Variants in PPM1L observed in about 807,000 individuals in gnomAD.
PPM1L encodes protein phosphatase, Mg2+/Mn2+ dependent 1L, also known as protein phosphatase 1L.
Under a neutral mutation model 31.4 loss-of-function variants are expected in PPM1L, and 13 were observed. That is an observed-to-expected ratio of 0.41 (90% CI 0.27 to 0.66). The LOEUF (loss-of-function observed/expected upper bound fraction) is 0.66. Among genes scored for constraint, PPM1L ranks in the 30% least tolerant of loss-of-function variants. The pLI is 0.29. For synonymous variants in PPM1L, 184 were observed against 175.4 expected (o/e 1.05, Z -0.39); for missense variants, 326 against 453.7 (o/e 0.72, Z 2.56).
chr3:160,854,205 T>C (rs1711607929), intron 1 of PPM1L, among the ~76,000 whole-genome samples: 2 of 152,168 alleles, frequency 1.3e-5, no homozygotes, highest in African/African-American at 4.8e-5. Flanking sequence ...AGACTAGAGC[T>C]TGGGGAAGGG....
At chr3:160,759,882 C>T (rs56141969) in intron 1 of PPM1L, among the ~76,000 whole-genome samples, 4,752 of 152,188 alleles carry the variant, frequency 0.031, 189 homozygotes, top group African/African-American at 0.089. Context: ...AGTTTATTAT[C>T]TAAAAAATAG....
At chr3:160,851,153 T>C (rs1711508404) in intron 1 of PPM1L, among the ~76,000 whole-genome samples, 1 of 152,192 alleles carries the variant, frequency 6.6e-6, no homozygotes, top group African/African-American at 2.4e-5. Context: ...AGAGTTTCTT[T>C]TTTAAACAGG....
Position 160,873,213 on chromosome 3 carries a change from TTCTAG to T in PPM1L, c.400-88522_400-88518del, listed in dbSNP as rs564956704. On this transcript the variant is annotated intron_variant, in intron 1 of 3. Transcript: ENST00000498165. The stretch of plus-strand genomic sequence containing the variant: ...AGAGAGTCTTTCTGTCACCAAGGTA[TTCTAG>T]GTTCTAACAAGCATATGGGCATCTC... 8.6e-4 allele frequency among the ~76,000 whole-genome samples: 131 copies of T among 152,272 alleles called. 1 individual carries two copies. The South Asian group carries it at 0.017, about 19-fold the overall frequency.
rs1553811765 is a variant in PPM1L at position 160,843,467 on chromosome 3, T to TA, written c.399+86761dup. Among the ~76,000 whole-genome samples the TA allele has an allele frequency of 8.1e-5, 11 of 135,896 alleles. 1 individual carries two copies. Among genetic ancestry groups the TA allele is most frequent in the Admixed American group, 6.6e-4 (9 of 13,560 alleles). The allele number at this position is 135,896 out of a possible 152,430, so 89.2% of individuals were successfully genotyped here. A position where few individuals can be genotyped will look rare whatever the true frequency, so the allele number is the denominator to read the frequency against. ...ATATATATATATATATATATATATA[T>TA]ATGTTTTTTTTAATTGTACTTTAAG... On this transcript the variant is annotated intron_variant, in intron 1 of 3. Coordinates refer to ENST00000498165, the MANE Select transcript of PPM1L (RefSeq NM_139245.4).
At chr3:160,991,105 C>CA (rs368961094) in intron 2 of PPM1L, among the ~76,000 whole-genome samples, 1 of 148,736 alleles carries the variant, frequency 6.7e-6, no homozygotes, top group Non-Finnish European at 1.5e-5. Context: ...AAAAAAATCA[C>CA]AAAAAAATCT....
chr3:161,020,474 T>C (rs1258676001), intron 2 of PPM1L, among the ~76,000 whole-genome samples: 1 of 152,192 alleles, frequency 6.6e-6, no homozygotes, highest in Non-Finnish European at 1.5e-5. Context: ...GAAATAGGAA[T>C]GTCCCTTAAA....
intron 3 of PPM1L, among the ~76,000 whole-genome samples, chr3:161,066,551 AT>A (rs1393249279): frequency 6.6e-6 from 1 of 152,180 alleles, no homozygotes; most frequent in East Asian, 1.9e-4. Flanking sequence ...GAGGATAATT[AT>A]CAGTTGATTA....
intron 1 of PPM1L, among the ~76,000 whole-genome samples, chr3:160,788,072 G>A (rs557405678): frequency 6.6e-6 from 1 of 152,116 alleles, no homozygotes; most frequent in African/African-American, 2.4e-5. Context: ...TGTTCTTTTT[G>A]CTGAGGATTG....
At chr3:160,970,955 T>G (rs1244833326) in intron 2 of PPM1L, among the ~76,000 whole-genome samples, 2 of 152,016 alleles carry the variant, frequency 1.3e-5, no homozygotes, top group Non-Finnish European at 1.5e-5. Flanking sequence ...CTCGCCCGGC[T>G]AATTTTTTGT....
intron 1 of PPM1L, among the ~76,000 whole-genome samples, chr3:160,931,619 G>A (rs1312077815): frequency 1.3e-5 from 2 of 152,160 alleles, no homozygotes; most frequent in Non-Finnish European, 2.9e-5. Context: ...TGGTATGTGT[G>A]GGGAAGGCAT....
intron 1 of PPM1L, among the ~76,000 whole-genome samples, chr3:160,830,160 A>G (rs769041540): frequency 6.6e-6 from 1 of 152,158 alleles, no homozygotes; most frequent in East Asian, 1.9e-4. Flanking sequence ...AGGATTTTCT[A>G]TTGTTACCAT....
chr3:160,959,593 G>A (rs909209531), intron 1 of PPM1L, among the ~76,000 whole-genome samples: 2 of 152,166 alleles, frequency 1.3e-5, no homozygotes, highest in Admixed American at 1.3e-4. Flanking sequence ...TTTTTCGGAG[G>A]CTGAGGCGGG....
chr3:161,036,129 G>T (rs1718734880), intron 2 of PPM1L: 1 of 152,156 alleles, frequency 6.6e-6, no homozygotes, highest in Non-Finnish European at 1.5e-5. Context: ...AGGTCAGTGT[G>T]GGGGAATAGC....
intron 2 of PPM1L, among the ~76,000 whole-genome samples, chr3:161,052,736 A>C (rs1189554622): frequency 6.6e-6 from 1 of 152,224 alleles, no homozygotes; most frequent in Non-Finnish European, 1.5e-5. Context: ...TAACCTAATA[A>C]TATCAAAGGA....
At chr3:160,847,667 A>G (rs1714124818) in intron 1 of PPM1L, among the ~76,000 whole-genome samples, 1 of 152,124 alleles carries the variant, frequency 6.6e-6, no homozygotes, top group Non-Finnish European at 1.5e-5. Flanking sequence ...GACATACCAA[A>G]AACAAAACAA....
rs141446932 is a variant in PPM1L at position 161,045,690 on chromosome 3, C to T, written c.575-19713C>T. Among the ~76,000 whole-genome samples, 37 of 152,078 alleles carry T rather than the reference C, an allele frequency of 2.4e-4. No homozygotes were observed. The East Asian group carries it at 7.0e-3, about 29-fold the overall frequency. On this transcript the variant is annotated intron_variant, in intron 2 of 3. Transcript: ENST00000498165. ...AGCAGAAAAGATCTAACATTGACAC[C>T]CTAACATTACAATTAAAGGTACTAG...
chr3:160,917,942 T>C (rs1222078061), intron 1 of PPM1L, among the ~76,000 whole-genome samples: 5 of 152,218 alleles, frequency 3.3e-5, no homozygotes, highest in African/African-American at 4.8e-5. Flanking sequence ...AAAACAATTA[T>C]GTGTCAAGAT....
intron 1 of PPM1L, among the ~76,000 whole-genome samples, chr3:160,876,058 A>C (rs539413097): frequency 1.5e-4 from 23 of 152,344 alleles, no homozygotes; most frequent in African/African-American, 5.3e-4. Flanking sequence ...TGCAAACATA[A>C]GCTTTATGCG....
chr3:160,985,921 T>A lies in PPM1L; in HGVS notation c.574+24011T>A, dbSNP rs183850720. 1.5e-3 allele frequency among the ~76,000 whole-genome samples: 226 copies of A among 152,166 alleles called. 1 individual carries two copies. Among genetic ancestry groups the A allele is most frequent in the Admixed American group, 2.7e-3 (41 of 15,280 alleles). On this transcript the variant is annotated intron_variant, in intron 2 of 3. Transcript: ENST00000498165. ...AGGGATGATTAATGTATGATTTTTT[T>A]ATTTTATTATAGATGCCTATATTGA...
Sources: gnomAD v4.1 joint callset for allele counts (sites outside exome capture counted in the v4.1 genomes callset) on GRCh38, gnomAD v4.1.1 for gene constraint, MANE v1.5 for transcripts, NCBI Gene and HGNC (gene_info 2026-07-23, HGNC 2026-07-21) for gene names.